Variants in ZEB2 observed in about 807,000 individuals in gnomAD.
ZEB2 encodes the protein zinc finger E-box binding homeobox 2.
ZEB2 carries 6 observed loss-of-function variants against 99.9 expected under a neutral mutation model. That is an observed-to-expected ratio of 0.06 (90% CI 0.03 to 0.12). The LOEUF is 0.12. Among genes scored for constraint, ZEB2 ranks in the 10% least tolerant of loss-of-function variants. The pLI is 1.00. For synonymous variants in ZEB2, 517 were observed against 542.5 expected (o/e 0.95, Z 0.65); for missense variants, 969 against 1,502.8 (o/e 0.64, Z 5.87).
At chr2:144,493,703 C>A (rs1451294675) in intron 2 of ZEB2, among the ~76,000 whole-genome samples, 3 of 152,118 alleles carry the variant, frequency 2.0e-5, no homozygotes, top group Admixed American at 2.0e-4. Flanking sequence ...GTATGTGGAC[C>A]AATTCATAGC....
At chr2:144,454,674 G>T (rs962216513) in intron 2 of ZEB2, among the ~76,000 whole-genome samples, 8 of 152,116 alleles carry the variant, frequency 5.3e-5, no homozygotes, top group Non-Finnish European at 1.0e-4. Flanking sequence ...TTTGAAACAG[G>T]ATGTCCTTAT....
At chr2:144,418,197 AAT>A (rs1256100140) in intron 4 of ZEB2, among the ~76,000 whole-genome samples, 1 of 152,212 alleles carries the variant, frequency 6.6e-6, no homozygotes, top group East Asian at 1.9e-4. Context: ...TACTGAAAAT[AAT>A]GTGTCCTACA....
intron 9 of ZEB2, among the ~76,000 whole-genome samples, chr2:144,394,078 C>T (rs1703188428): frequency 6.6e-6 from 1 of 152,080 alleles, no homozygotes; most frequent in Non-Finnish European, 1.5e-5. Context: ...TGCACCACCA[C>T]ACCCAGCTAA....
rs775082191 is a variant in ZEB2, at chr2:144,398,814, T to C, written c.2373A>G (p.Thr791=). ...NTPSPLNLSS[T]SSKNSHSSSY... Reference sequence around the variant, plus strand: ...AACTACTGTGGGAGTTTTTAGAAGATGTGGAGGAAAGATTTAAGGGAGAAG... The same window carrying C: ...AACTACTGTGGGAGTTTTTAGAAGACGTGGAGGAAAGATTTAAGGGAGAAG... The change falls in exon 8 of 10, where the codon ACA becomes ACG. Residue 791 remains threonine (T), a synonymous_variant. Coordinates refer to ENST00000627532, the MANE Select transcript of ZEB2 (RefSeq NM_014795.4). 2 of 1,614,020 alleles carry C rather than the reference T, an allele frequency of 1.2e-6. No homozygotes were observed. Among genetic ancestry groups the C allele is most frequent in the Non-Finnish European group, 1.7e-6 (2 of 1,179,998 alleles).
At chr2:144,394,935 G>C (rs1703202908) in intron 9 of ZEB2, among the ~76,000 whole-genome samples, 1 of 150,890 alleles carries the variant, frequency 6.6e-6, no homozygotes, top group South Asian at 2.1e-4. Context: ...ACAGAAAAGA[G>C]TGCCTTGTAT....
At chr2:144,461,089 TTTTC>T (rs1342680354) in intron 2 of ZEB2, 1 of 39,874 alleles carries the variant, frequency 2.5e-5, no homozygotes, top group Non-Finnish European at 5.9e-5. Flanking sequence ...AGTTATTTTC[TTTTC>T]TTTTTCTTTT....
At chr2:144,483,117 GACACAC>G (rs70985858) in intron 2 of ZEB2, among the ~76,000 whole-genome samples, 13,208 of 130,580 alleles carry the variant, frequency 0.1, 625 homozygotes, top group Middle Eastern at 0.12. Flanking sequence ...GTTTAGGTAA[GACACAC>G]ACACACACAC....
At chr2:144,422,982 CA>C (rs1298485033) in intron 4 of ZEB2, among the ~76,000 whole-genome samples, 3 of 152,082 alleles carry the variant, frequency 2.0e-5, no homozygotes, top group African/African-American at 7.2e-5. Flanking sequence ...CATCTTCTAC[CA>C]CATATGCACA....
chr2:144,488,961 G>A (rs1445168097), intron 2 of ZEB2, among the ~76,000 whole-genome samples: 1 of 152,006 alleles, frequency 6.6e-6, no homozygotes, highest in African/African-American at 2.4e-5. Flanking sequence ...GTAATAAGAG[G>A]CTCCTTTGCA....
chr2:144,513,222 T>G (rs1307939262), intron 2 of ZEB2: 6 of 1,287,288 alleles, frequency 4.7e-6, no homozygotes, highest in Admixed American at 2.3e-5. Context: ...GCACCTCCAC[T>G]CCTTTAAGGA....
chr2:144,388,873 C>T lies in ZEB2; in HGVS notation c.*578G>A, dbSNP rs900410529. On this transcript the variant is annotated 3_prime_UTR_variant, in exon 10 of 10. Coordinates refer to ENST00000627532, the MANE Select transcript of ZEB2 (RefSeq NM_014795.4). This position sits in a 1 kb window ranked among gnomAD's most constrained non-coding sequence, Gnocchi z 5.4. ...GTATCTTAAATTCACACATGCATCA[C>T]TTCAAGTTCCTTCACAGAAAAAAAA... 1.3e-5 allele frequency: 6 copies of T among 456,130 alleles called. No homozygotes were observed. Among genetic ancestry groups the T allele is most frequent in the Admixed American group, 2.4e-5 (1 of 41,026 alleles). 28.3% of individuals were successfully genotyped at this position (456,130 alleles called of 1,614,324 possible). A position where few individuals can be genotyped will look rare whatever the true frequency, so the allele number is the denominator to read the frequency against.
At chr2:144,391,199 T>G (rs1237538115) in intron 9 of ZEB2, among the ~76,000 whole-genome samples, 1 of 152,236 alleles carries the variant, frequency 6.6e-6, no homozygotes, top group Non-Finnish European at 1.5e-5. Context: ...TTAAATATCT[T>G]TAATAATGTT....
At position 144,393,551 on chromosome 2, in the gene ZEB2, T is replaced by G. The variant is rs1166608479; in HGVS notation, c.3067+2861A>C. Among the ~76,000 whole-genome samples the G allele has an allele frequency of 4.6e-5, 7 of 152,218 alleles. No individual in the cohort carries two copies. The East Asian group carries it at 1.3e-3, about 29-fold the overall frequency. ...TAGTGCATTCTCAAAATATTACTAG[T>G]GCTTAATGTAAACAAATGAAAGGCT... On this transcript the variant is annotated intron_variant, in intron 9 of 9. Coordinates refer to ENST00000627532, the MANE Select transcript of ZEB2 (RefSeq NM_014795.4).
chr2:144,407,417 C>A (rs1703402307), intron 4 of ZEB2, among the ~76,000 whole-genome samples: 1 of 152,194 alleles, frequency 6.6e-6, no homozygotes, highest in African/African-American at 2.4e-5. Context: ...GTCATGGATG[C>A]TTTCCAATGG....
At chr2:144,437,060 A>G (rs1169132241) in intron 2 of ZEB2, among the ~76,000 whole-genome samples, 1 of 152,152 alleles carries the variant, frequency 6.6e-6, no homozygotes, top group Non-Finnish European at 1.5e-5. Context: ...TAGTCATTGT[A>G]TTGATGTTTC....
intron 4 of ZEB2, 23 bp downstream of exon 4, chr2:144,424,773 T>C: frequency 6.2e-7 from 1 of 1,613,792 alleles, no homozygotes; most frequent in Non-Finnish European, 8.5e-7. Context: ...AAATGTGATC[T>C]GAGCGTGGCC....
chr2:144,444,524 C>T (rs536521870), intron 2 of ZEB2, among the ~76,000 whole-genome samples: 21 of 152,324 alleles, frequency 1.4e-4, no homozygotes, highest in African/African-American at 4.6e-4. Flanking sequence ...TCAGGGGGAC[C>T]TGGCCTCTCA....
intron 6 of ZEB2, among the ~76,000 whole-genome samples, chr2:144,403,021 A>G (rs1703333807): frequency 6.6e-6 from 1 of 152,282 alleles, no homozygotes; most frequent in African/African-American, 2.4e-5. Context: ...AAAAACAGAC[A>G]TGGTGTCAAG....
intron 1 of ZEB2, chr2:144,517,916 T>G: frequency 2.9e-6 from 1 of 344,078 alleles, no homozygotes; most frequent in Non-Finnish European, 5.3e-6. Context: ...AAATTGATAA[T>G]AGTAATTATA....
Sources: allele counts gnomAD v4.1 joint callset (sites outside exome capture counted in the v4.1 genomes callset), GRCh38; gene constraint gnomAD v4.1.1; non-coding constraint Gnocchi (gnomAD v3.1); transcripts MANE v1.5; gene names NCBI Gene and HGNC (gene_info 2026-07-23, HGNC 2026-07-21).